The following TTPA variants were observed in gnomAD, a reference collection of about 807,000 sequenced individuals.
TTPA encodes alpha tocopherol transfer protein.
In TTPA, 23 loss-of-function variants were observed where a neutral mutation model predicts 25.9. The observed-to-expected ratio is 0.89, with a 90% CI of 0.64 to 1.26. The LOEUF (loss-of-function observed/expected upper bound fraction) is 1.26. TTPA is among the 50% of genes most tolerant of loss of function. TTPA has a pLI of 0.00. For synonymous variants in TTPA, 148 were observed against 137.3 expected (o/e 1.08, Z -0.54); for missense variants, 337 against 353.1 (o/e 0.95, Z 0.37).
At chr8:63,072,654 G>T (rs979762433) in intron 2 of TTPA, among the ~76,000 whole-genome samples, 10 of 152,086 alleles carry the variant, frequency 6.6e-5, no homozygotes, top group Non-Finnish European at 1.3e-4. Context: ...ATTTTGTACA[G>T]TTGACTGTGT....
At chr8:63,076,860 C>A (rs1028053709) in intron 1 of TTPA, among the ~76,000 whole-genome samples, 15 of 151,758 alleles carry the variant, frequency 9.9e-5, no homozygotes, top group African/African-American at 3.4e-4. Flanking sequence ...ATATAGCCAT[C>A]TAAAAAATGA....
At chr8:63,080,732 A>AAT (rs1805650124) in intron 1 of TTPA, among the ~76,000 whole-genome samples, 2 of 137,344 alleles carry the variant, frequency 1.5e-5, no homozygotes, top group African/African-American at 5.8e-5. Flanking sequence ...AAAAAAAAAA[A>AAT]AAATAAATAA....
intron 2 of TTPA, 107 bp from the exon 3 acceptor site, chr8:63,066,204 AC>A: frequency 8.7e-7 from 1 of 1,142,998 alleles, no homozygotes; most frequent in Non-Finnish European, 1.3e-6. Flanking sequence ...TGAAATAAAA[AC>A]ATCTACAAAG....
chr8:63,066,137 A>G (rs1337631342), intron 2 of TTPA, 40 bp from the exon 3 acceptor site: 1 of 1,575,746 alleles, frequency 6.3e-7, no homozygotes, highest in Non-Finnish European at 8.7e-7. Context: ...GCATTGTGTA[A>G]AAAATCAGAA....
intron 3 of TTPA, among the ~76,000 whole-genome samples, chr8:63,065,337 T>C (rs1805373028): frequency 6.6e-6 from 1 of 152,184 alleles, no homozygotes. Flanking sequence ...GAAAATACAA[T>C]AGTCATATGT....
At chr8:63,069,963 C>T (rs1304395754) in intron 2 of TTPA, among the ~76,000 whole-genome samples, 1 of 152,052 alleles carries the variant, frequency 6.6e-6, no homozygotes, top group African/African-American at 2.4e-5. Context: ...TTTTATGTAC[C>T]AGGTAATGCT....
At position 63,059,554 on chromosome 8, in the gene TTPA, T is replaced by A. The variant is rs192806938; in HGVS notation, c.*1698A>T. On this transcript the variant is annotated 3_prime_UTR_variant, in exon 5 of 5. Transcript: ENST00000260116. ...AGATACTATTAATGTATATGATTAATGTTGAAACCTAACTAGCTGAACAAA... is the reference window on the plus strand; with the variant it reads ...AGATACTATTAATGTATATGATTAAAGTTGAAACCTAACTAGCTGAACAAA... 1.3e-5 allele frequency among the ~76,000 whole-genome samples: 2 copies of A among 152,270 alleles called. No individual in the cohort carries two copies. Among genetic ancestry groups the A allele is most frequent in the African/African-American group, 4.8e-5 (2 of 41,590 alleles).
At chr8:63,064,175 A>T in intron 4 of TTPA, 31 bp downstream of exon 4, 1 of 1,485,322 alleles carries the variant, frequency 6.7e-7, no homozygotes, top group South Asian at 1.1e-5. Context: ...TTTGGTGTAG[A>T]GGAACACAGA....
chr8:63,059,328 G>T (rs545125844), downstream of TTPA, among the ~76,000 whole-genome samples: 281 of 151,818 alleles, frequency 1.9e-3, 1 homozygote, highest in African/African-American at 6.4e-3. Context: ...CACCGCGCCC[G>T]GCCCAGGGTC....
At chr8:63,059,275 G>A (rs576236825), downstream of TTPA, among the ~76,000 whole-genome samples, 3 of 151,022 alleles carry the variant, frequency 2.0e-5, no homozygotes, top group Non-Finnish European at 3.0e-5. Context: ...CTCGTGATCC[G>A]CCCGCCTCGG....
intron 1 of TTPA, among the ~76,000 whole-genome samples, chr8:63,075,291 T>C (rs995996639): frequency 2.6e-5 from 4 of 152,264 alleles, no homozygotes; most frequent in Non-Finnish European, 5.9e-5. Flanking sequence ...TCTTCTTACA[T>C]GTTTCATGTA....
intron 1 of TTPA, among the ~76,000 whole-genome samples, chr8:63,081,411 T>C (rs983114058): frequency 1.3e-5 from 2 of 152,188 alleles, no homozygotes; most frequent in African/African-American, 2.4e-5. Context: ...TCTCAATAGA[T>C]GCAGAAAAGG....
At position 63,073,071 on chromosome 8, in the gene TTPA, A is replaced by G. The variant is rs752463700; in HGVS notation, c.222T>C (p.Tyr74=). 15 of 1,611,728 alleles carry G rather than the reference A, an allele frequency of 9.3e-6. No individual in the cohort carries two copies. In the East Asian group the frequency reaches 1.6e-4, roughly 17 times the overall value. The part of the protein sequence containing the change: ...DLAWRLLKNY[Y]KWRAECPEIS... ...TTTCTGGACATTCTGCTCTCCACTT[A>G]TAATAGTTTTTTAGTAACTGAAAAA... Residue 74 remains tyrosine, a synonymous_variant, in exon 2 of 5, where the codon TAT becomes TAC. Coordinates refer to ENST00000260116, the MANE Select transcript of TTPA (RefSeq NM_000370.3).
intron 1 of TTPA, among the ~76,000 whole-genome samples, chr8:63,084,262 G>C (rs1805711786): frequency 6.6e-6 from 1 of 152,100 alleles, no homozygotes; most frequent in Non-Finnish European, 1.5e-5. Flanking sequence ...ATTTCATCCA[G>C]CAATTTCACC....
intron 1 of TTPA, among the ~76,000 whole-genome samples, chr8:63,078,482 G>A (rs903323228): frequency 2.0e-5 from 3 of 152,168 alleles, no homozygotes; most frequent in Non-Finnish European, 2.9e-5. Flanking sequence ...ACAGTGTAGA[G>A]AAGACCTTAA....
rs758641202 is a variant in TTPA, at chr8:63,085,920, C to A, written c.102G>T (p.Arg34=). 3 of 1,523,700 alleles carry A rather than the reference C, an allele frequency of 2.0e-6. No individual in the cohort carries two copies. Among genetic ancestry groups the A allele is most frequent in the Non-Finnish European group, 2.6e-6 (3 of 1,141,624 alleles). 94.4% of individuals were successfully genotyped at this position (1,523,700 alleles called of 1,614,324 possible). A position where few individuals can be genotyped will look rare whatever the true frequency, so the allele number is the denominator to read the frequency against. ...LQPGLAALRR[R]AREAGVPLAP... is the part of the protein sequence containing the mutation. ...CGAGCGGGACGCCAGCTTCCCGGGC[C>A]CGGCGCCGCAGCGCCGCCAGGCCCG... Residue 34 remains arginine (R), a synonymous_variant, in exon 1 of 5, where the codon CGG becomes CGT. Transcript: ENST00000260116.
chr8:63,072,094 C>A (rs1280246237), intron 2 of TTPA, among the ~76,000 whole-genome samples: 1 of 152,194 alleles, frequency 6.6e-6, no homozygotes, highest in South Asian at 2.1e-4. Context: ...TCTTGCTCCT[C>A]GGCCTGGGGC....
intron 4 of TTPA, among the ~76,000 whole-genome samples, chr8:63,063,638 T>C (rs1206239373): frequency 6.6e-6 from 1 of 152,206 alleles, no homozygotes; most frequent in African/African-American, 2.4e-5. Flanking sequence ...TATCCACTTA[T>C]ATTATTTTTT....
chr8:63,064,505 A>G lies in TTPA; in HGVS notation c.553-189T>C, dbSNP rs184796453. 2.2e-3 allele frequency among the ~76,000 whole-genome samples: 330 copies of G among 152,316 alleles called. 2 individuals are homozygous for G. Among genetic ancestry groups the G allele is most frequent in the African/African-American group, 7.4e-3 (309 of 41,578 alleles). On this transcript the variant is annotated intron_variant, in intron 3 of 4. Transcript: ENST00000260116. ...AGTTCACTGTCACTAGATTAAGTAA[A>G]GATCTCTAAAAAGGTTTCTCCTTAT...
Sources: gnomAD v4.1 joint callset for allele counts (sites outside exome capture counted in the v4.1 genomes callset) on GRCh38, gnomAD v4.1.1 for gene constraint, MANE v1.5 for transcripts, NCBI Gene and HGNC (gene_info 2026-07-23, HGNC 2026-07-21) for gene names.